The following NUMA1 variants were observed in gnomAD, a reference collection of about 807,000 sequenced individuals.
The protein encoded by NUMA1 is nuclear mitotic apparatus protein 1, also known as SP-H antigen.
A neutral mutation model predicts 237.1 loss-of-function variants in NUMA1; 62 were observed. The observed-to-expected ratio is 0.26, with a 90% confidence interval of 0.21 to 0.32. NUMA1 has a LOEUF of 0.32. Ranked by LOEUF, NUMA1 falls within the 10% of genes least tolerant of loss-of-function variation. The pLI is 1.00. For missense variants in NUMA1, 2,533 were observed against 2,666.5 expected (o/e 0.95, Z 1.10); for synonymous variants, 1,028 against 1,066.1 (o/e 0.96, Z 0.70).
chr11:72,017,899 A>G, intron 12 of NUMA1, 72 bp from the exon 13 acceptor site: 3 of 1,543,070 alleles, frequency 1.9e-6, no homozygotes, highest in Non-Finnish European at 2.6e-6. Flanking sequence ...CTGCTCCCAG[A>G]ACCCCAGGGG....
intron 5 of NUMA1, among the ~76,000 whole-genome samples, chr11:72,023,564 G>A (rs780008496): frequency 5.5e-4 from 83 of 152,144 alleles, no homozygotes; most frequent in Non-Finnish European, 9.8e-4. Flanking sequence ...TATACTGCCC[G>A]AGGGTCTGGG....
At chr11:72,042,785 C>G (rs1335604621) in intron 2 of NUMA1, among the ~76,000 whole-genome samples, 2 of 152,072 alleles carry the variant, frequency 1.3e-5, no homozygotes, top group African/African-American at 4.8e-5. Context: ...GGAAGCTGCA[C>G]AGTCAGGAGA....
rs376347499 is a variant in NUMA1, at chr11:72,018,206, C to T, written c.955G>A (p.Glu319Lys). The T allele has an allele frequency of 6.8e-6, 11 of 1,613,978 alleles. No individual in the cohort carries two copies. The African/African-American group carries it at 1.3e-4, about 20-fold the overall frequency. The change falls in exon 12 of 27, where the codon GAG becomes AAG. Residue 319 changes from glutamate (E) to lysine (K), a missense_variant. This residue lies in a region of NUMA1 where 1,414 missense variants were observed against 1,508.1 expected (regional missense o/e 0.94). Coordinates refer to ENST00000393695, the MANE Select transcript of NUMA1 (RefSeq NM_006185.4). ...MDRKINQLSEENGDLSFKLRE... is the reference protein window; with the variant it reads ...MDRKINQLSEKNGDLSFKLRE... Reference sequence around the variant, plus strand: ...ACCTTAAAGGAAAGGTCTCCATTCTCCTCCGAAAGCTGGTTGATTTTGCGA... The same window carrying T: ...ACCTTAAAGGAAAGGTCTCCATTCTTCTCCGAAAGCTGGTTGATTTTGCGA...
At chr11:72,008,400 C>G in intron 20 of NUMA1, 1 of 453,364 alleles carries the variant, frequency 2.2e-6, no homozygotes, top group Non-Finnish European at 4.1e-6. Flanking sequence ...TCAGCTTAGT[C>G]AGGCTCTTTC....
intron 1 of NUMA1, among the ~76,000 whole-genome samples, chr11:72,076,136 G>T (rs890836068): frequency 3.3e-5 from 5 of 152,224 alleles, no homozygotes; most frequent in Non-Finnish European, 7.3e-5. Context: ...CACATTGGGA[G>T]GCTGAGGTGG....
At chr11:72,012,823 G>A in intron 15 of NUMA1, 72 bp downstream of exon 15, 1 of 1,561,438 alleles carries the variant, frequency 6.4e-7, no homozygotes, top group East Asian at 2.2e-5. Flanking sequence ...AGAGGCCCTG[G>A]ACACAGAGGA....
chr11:72,071,197 T>C (rs190805068), intron 1 of NUMA1, among the ~76,000 whole-genome samples: 1 of 152,376 alleles, frequency 6.6e-6, no homozygotes, highest in Admixed American at 6.5e-5. Flanking sequence ...AAGTATTTCA[T>C]TCCTAGTTAT....
intron 3 of NUMA1, among the ~76,000 whole-genome samples, chr11:72,033,364 G>GT (rs58353057): frequency 4.4e-4 from 63 of 144,680 alleles, no homozygotes; most frequent in East Asian, 1.8e-3. Flanking sequence ...CATGTTCTTT[G>GT]TTTTTTTTTT....
At chr11:72,010,596 C>G (rs1017605166) in intron 17 of NUMA1, among the ~76,000 whole-genome samples, 190 bp downstream of exon 17, 2 of 152,214 alleles carry the variant, frequency 1.3e-5, no homozygotes, top group African/African-American at 4.8e-5. Flanking sequence ...GAGATGGGAA[C>G]CACCCTGGTT....
In NUMA1 at chr11:72,005,221, CCCAGGCCTCACCCTGGACT is replaced by C. The variant is rs1955607627; in HGVS notation, c.5822_5829+11del. On this transcript the variant is annotated splice_donor_variant and splice_donor_5th_base_variant and coding_sequence_variant and intron_variant, in exon 23 of 27. Transcript: ENST00000393695. LOFTEE classifies it high-confidence loss of function. ...GGGATGGGAGGCCCTGCACAGTGACCCCAGGCCTCACCCTGGACTCCAGGGGATAGCAGGTCTTCAGATG... is the reference window on the plus strand; with the variant it reads ...GGGATGGGAGGCCCTGCACAGTGACCCCAGGGGATAGCAGGTCTTCAGATG... 1 of 1,588,328 alleles carries C rather than the reference CCCAGGCCTCACCCTGGACT, an allele frequency of 6.3e-7. No homozygotes were observed. Among genetic ancestry groups the C allele is most frequent in the African/African-American group, 1.4e-5 (1 of 73,210 alleles).
rs1956309353 is a variant in NUMA1 at position 72,013,772 on chromosome 11, T to G, written c.3731A>C (p.Lys1244Thr). 1 of 1,609,970 alleles carries G rather than the reference T, an allele frequency of 6.2e-7. No individual in the cohort carries two copies. The highest frequency in any genetic ancestry group is 8.5e-7 in the Non-Finnish European group (1 of 1,180,006). Residue 1244 changes from lysine to threonine, a missense_variant, in exon 15 of 27, where the codon AAG becomes ACG. By Grantham distance (78) the Lys-to-Thr change is moderately conservative (BLOSUM62 -1). Coordinates refer to ENST00000393695, the MANE Select transcript of NUMA1 (RefSeq NM_006185.4). The surrounding 1 kb of genome is among the most constrained non-coding windows in gnomAD (Gnocchi z 6.8). ...VSILNRQVLE[K>T]EGESKELKRL... is the part of the protein sequence containing the mutation. Reference sequence around the variant, plus strand: ...CTTCAACTCCTTGCTCTCCCCCTCCTTCTCCAGGACCTGGCGATTCAGGAT... The same window carrying G: ...CTTCAACTCCTTGCTCTCCCCCTCCGTCTCCAGGACCTGGCGATTCAGGAT...
rs1185695304 is a variant in NUMA1, at chr11:72,005,220, C to T, written c.5829+13G>A. On this transcript the variant is annotated intron_variant, in intron 23 of 26. Transcript: ENST00000393695. ...AGGGATGGGAGGCCCTGCACAGTGA[C>T]CCCAGGCCTCACCCTGGACTCCAGG... 3.8e-6 allele frequency: 6 copies of T among 1,588,214 alleles called. No homozygotes were observed. Among genetic ancestry groups the T allele is most frequent in the Non-Finnish European group, 5.1e-6 (6 of 1,168,860 alleles).
intron 4 of NUMA1, 55 bp from the exon 5 acceptor site, chr11:72,024,408 C>T: frequency 6.7e-7 from 1 of 1,484,374 alleles, no homozygotes; most frequent in South Asian, 1.1e-5. Flanking sequence ...TGCCTCCTTG[C>T]TGCTGCATTT....
intron 17 of NUMA1, 71 bp downstream of exon 17, chr11:72,010,715 C>T (rs1208384626): frequency 3.5e-5 from 52 of 1,485,660 alleles, no homozygotes; most frequent in East Asian, 4.6e-5. Flanking sequence ...ACACCCCCCA[C>T]GGCCCCAGAG....
intron 8 of NUMA1, 26 bp from the exon 9 acceptor site, chr11:72,019,643 A>C: frequency 6.2e-7 from 1 of 1,607,156 alleles, no homozygotes. Flanking sequence ...AGACAAAATA[A>C]ATCAACAAAG....
chr11:72,017,171 T>C (rs1414391069), intron 13 of NUMA1: 1 of 174,662 alleles, frequency 5.7e-6, no homozygotes, highest in Non-Finnish European at 1.2e-5. Context: ...GCTACTACCA[T>C]TCCTCTTACA....
chr11:72,032,963 T>C (rs1940517076), intron 3 of NUMA1, among the ~76,000 whole-genome samples: 1 of 152,190 alleles, frequency 6.6e-6, no homozygotes, highest in Non-Finnish European at 1.5e-5. Flanking sequence ...CATTTTGATG[T>C]ATTTCTTTCG....
chr11:72,069,402 A>G (rs1943347222), intron 2 of NUMA1, among the ~76,000 whole-genome samples: 1 of 152,156 alleles, frequency 6.6e-6, no homozygotes, highest in Non-Finnish European at 1.5e-5. Context: ...ACACATACTT[A>G]TGTATACAGC....
chr11:72,016,625 C>G lies in NUMA1; in HGVS notation c.1120-95G>C, dbSNP rs553965073. ...AAACATCAGCAAACATGGGGCCCAT[C>G]ATCTTGTTACCAAGATCTCCTTTTG... On this transcript the variant is annotated intron_variant, in intron 13 of 26. Transcript: ENST00000393695. The G allele has an allele frequency of 1.0e-5, 15 of 1,455,806 alleles. No homozygotes were observed. The East Asian group carries it at 2.8e-4, about 27-fold the overall frequency. 90.2% of individuals were successfully genotyped at this position (1,455,806 alleles called of 1,614,324 possible). A position where few individuals can be genotyped will look rare whatever the true frequency, so the allele number is the denominator to read the frequency against.
Sources: gnomAD v4.1 joint callset for allele counts (sites outside exome capture counted in the v4.1 genomes callset) on GRCh38, gnomAD v4.1.1 for gene constraint, gnomAD v4.1.1 regional missense constraint, Gnocchi (gnomAD v3.1) non-coding constraint, MANE v1.5 for transcripts, NCBI Gene and HGNC (gene_info 2026-07-23, HGNC 2026-07-21) for gene names.